ARRB1: variants seen among roughly 807,000 people sequenced by gnomAD.
ARRB1 encodes arrestin beta 1.
In ARRB1, 21 loss-of-function variants were observed where a neutral mutation model predicts 56.8. That is an observed-to-expected ratio of 0.37 (90% CI 0.26 to 0.53). The LOEUF (loss-of-function observed/expected upper bound fraction) is 0.53, where lower values mean the gene tolerates loss of function less well. ARRB1 is among the 20% of genes least tolerant of loss of function. The pLI is 0.88. For synonymous variants in ARRB1, 210 were observed against 218.6 expected, an observed-to-expected ratio of 0.96 and a Z score of 0.35; for missense variants, 424 against 553.7, an observed-to-expected ratio of 0.77 and a Z score of 2.35.
chr11:75,298,643 A>G (rs185556256), intron 1 of ARRB1, among the ~76,000 whole-genome samples: 1 of 152,362 alleles, frequency 6.6e-6, no homozygotes, highest in East Asian at 1.9e-4. Context: ...TTTAAAAGTT[A>G]AACCGAGAGT....
intron 1 of ARRB1, among the ~76,000 whole-genome samples, chr11:75,329,966 C>G (rs888056192): frequency 6.6e-6 from 1 of 151,910 alleles, no homozygotes; most frequent in Non-Finnish European, 1.5e-5. Context: ...CACCACTGCA[C>G]TCTAGCCTGA....
chr11:75,322,713 C>G (rs1397857274), intron 1 of ARRB1, among the ~76,000 whole-genome samples: 2 of 152,148 alleles, frequency 1.3e-5, no homozygotes, highest in African/African-American at 2.4e-5. Context: ...ACAATGCAGT[C>G]ATGCTTTAGT....
chr11:75,331,355 G>C (rs1287933707), intron 1 of ARRB1, among the ~76,000 whole-genome samples: 1 of 152,046 alleles, frequency 6.6e-6, no homozygotes, highest in African/African-American at 2.4e-5. Context: ...CTGTCTAAGG[G>C]GTCTGGGGAG....
At chr11:75,342,490 C>A (rs1947705897) in intron 1 of ARRB1, among the ~76,000 whole-genome samples, 1 of 152,166 alleles carries the variant, frequency 6.6e-6, no homozygotes, top group South Asian at 2.1e-4. Context: ...TGTGCTCTGC[C>A]AGCCAAGGGA....
intron 1 of ARRB1, among the ~76,000 whole-genome samples, chr11:75,309,772 T>C (rs1310977791): frequency 6.6e-6 from 1 of 152,126 alleles, no homozygotes; most frequent in Non-Finnish European, 1.5e-5. Flanking sequence ...GCATTTCCAT[T>C]ACTTCCAAGA....
chr11:75,329,042 C>T (rs1418364305), intron 1 of ARRB1, among the ~76,000 whole-genome samples: 1 of 151,458 alleles, frequency 6.6e-6, no homozygotes, highest in African/African-American at 2.4e-5. Flanking sequence ...AATGTAAACA[C>T]ACTAGAAACA....
intron 1 of ARRB1, among the ~76,000 whole-genome samples, chr11:75,337,976 C>T (rs1000628646): frequency 1.3e-5 from 2 of 151,716 alleles, no homozygotes; most frequent in African/African-American, 4.8e-5. Flanking sequence ...GAATATTTCA[C>T]CAGAGGAAGA....
intron 1 of ARRB1, among the ~76,000 whole-genome samples, chr11:75,293,556 A>C (rs1256618114): frequency 1.3e-5 from 2 of 152,158 alleles, no homozygotes; most frequent in African/African-American, 4.8e-5. Context: ...CCAAATTTCC[A>C]GGATGCCAGA....
Position 75,272,915 on chromosome 11 carries a change from C to T in ARRB1, c.978G>A (p.Lys326=), listed in dbSNP as rs1404883601. The T allele has an allele frequency of 3.7e-6, 6 of 1,613,962 alleles. No individual in the cohort carries two copies. The highest frequency in any genetic ancestry group is 1.7e-5 in the Admixed American group (1 of 60,006). Residue 326 remains lysine (K), a synonymous_variant, in exon 12 of 16, where the codon AAG becomes AAA. Transcript: ENST00000420843. Reference sequence around the variant, plus strand: ...CTCACCCGCCCCGAGACACCACCAGCTTCACTTTCACTTTGTAGGAAACAA... The same window carrying T: ...CTCACCCGCCCCGAGACACCACCAGTTTCACTTTCACTTTGTAGGAAACAA... The part of the protein sequence containing the change: ...GIIVSYKVKV[K]LVVSRGGLLG...
intron 1 of ARRB1, among the ~76,000 whole-genome samples, chr11:75,299,943 A>G (rs915533579): frequency 6.6e-6 from 1 of 152,180 alleles, no homozygotes; most frequent in African/African-American, 2.4e-5. Context: ...GCAGTGGCTG[A>G]CGCCTGTAAT....
intron 4 of ARRB1, 41 bp from the exon 5 acceptor site, chr11:75,283,524 C>T (rs1337512668): frequency 1.3e-6 from 2 of 1,540,352 alleles, no homozygotes; most frequent in Admixed American, 1.9e-5. Flanking sequence ...CCTGGGAGAG[C>T]AGCAAGCGAG....
intron 1 of ARRB1, among the ~76,000 whole-genome samples, chr11:75,340,392 G>A (rs1192229745): frequency 6.6e-6 from 1 of 152,210 alleles, no homozygotes; most frequent in Non-Finnish European, 1.5e-5. Context: ...TGCTCCCCAC[G>A]ACCTTCTGGG....
At chr11:75,306,500 C>T (rs1947033899) in intron 1 of ARRB1, 7 of 897,622 alleles carry the variant, frequency 7.8e-6, no homozygotes, top group Non-Finnish European at 7.9e-6. Context: ...TCATGTAAAT[C>T]CCAGAAAGAG....
intron 1 of ARRB1, among the ~76,000 whole-genome samples, chr11:75,345,502 T>C (rs576003397): frequency 1.5e-4 from 23 of 152,134 alleles, no homozygotes; most frequent in African/African-American, 5.1e-4. Flanking sequence ...CGATACCTGT[T>C]CTAATCCCAG....
intron 1 of ARRB1, among the ~76,000 whole-genome samples, chr11:75,340,203 T>C (rs1203758875): frequency 2.0e-5 from 3 of 152,194 alleles, no homozygotes; most frequent in African/African-American, 4.8e-5. Context: ...TGCAGGCAAA[T>C]TATCTCAGGA....
intron 1 of ARRB1, among the ~76,000 whole-genome samples, chr11:75,329,263 G>A (rs1366747462): frequency 6.6e-6 from 1 of 151,990 alleles, no homozygotes; most frequent in Non-Finnish European, 1.5e-5. Context: ...ACCATGTCTA[G>A]CTAATTTTTT....
At chr11:75,330,041 T>C (rs1947496043) in intron 1 of ARRB1, among the ~76,000 whole-genome samples, 1 of 152,000 alleles carries the variant, frequency 6.6e-6, no homozygotes. Context: ...AGACTCCCTT[T>C]CACACATGAC....
At chr11:75,270,207 G>A (rs1378139747) in intron 13 of ARRB1, among the ~76,000 whole-genome samples, 10 of 152,244 alleles carry the variant, frequency 6.6e-5, no homozygotes, top group South Asian at 4.1e-4. Flanking sequence ...TTGACCAGGC[G>A]CAGTGGCTCA....
intron 1 of ARRB1, among the ~76,000 whole-genome samples, chr11:75,298,979 G>A (rs931394219): frequency 9.2e-5 from 14 of 151,540 alleles, no homozygotes; most frequent in African/African-American, 3.4e-4. Context: ...ACAGAAGGCT[G>A]CATATTATAT....
Sources: allele counts gnomAD v4.1 joint callset (sites outside exome capture counted in the v4.1 genomes callset), GRCh38; gene constraint gnomAD v4.1.1; transcripts MANE v1.5; gene names NCBI Gene and HGNC (gene_info 2026-07-23, HGNC 2026-07-21).